NAALADL2: variants seen among roughly 807,000 people sequenced by gnomAD.
NAALADL2 encodes N-acetylated alpha-linked acidic dipeptidase like 2, also known as inactive N-acetylated-alpha-linked acidic dipeptidase-like protein 2.
Under a neutral mutation model 87.2 loss-of-function variants are expected in NAALADL2, and 76 were observed. The ratio of observed to expected loss-of-function variants is 0.87; its 90% CI spans 0.72 to 1.05. The LOEUF (loss-of-function observed/expected upper bound fraction) is 1.05. Among genes scored for constraint, NAALADL2 ranks in the 50% least tolerant of loss-of-function variants. The probability of loss-of-function intolerance (pLI) is 0.00; values close to 1 mark genes in which losing one functional copy is unlikely to be tolerated. For synonymous variants in NAALADL2, 354 were observed against 331.0 expected (o/e 1.07, Z -0.75); for missense variants, 1,089 against 945.8 (o/e 1.15, Z -1.99).
intron 2 of NAALADL2, among the ~76,000 whole-genome samples, chr3:175,224,053 AAGAC>A (rs1403155742): frequency 5.3e-5 from 8 of 152,190 alleles, no homozygotes; most frequent in South Asian, 4.1e-4. Flanking sequence ...AGGTTAAAGA[AAGAC>A]AGAGAGAGAG....
At chr3:175,791,227 C>G (rs1014093428) in intron 13 of NAALADL2, among the ~76,000 whole-genome samples, 1 of 152,198 alleles carries the variant, frequency 6.6e-6, no homozygotes, top group Non-Finnish European at 1.5e-5. Context: ...TGGAAATACA[C>G]TTTTCTATTA....
intron 5 of NAALADL2, among the ~76,000 whole-genome samples, chr3:175,356,973 G>A (rs1764450102): frequency 6.6e-6 from 1 of 152,102 alleles, no homozygotes; most frequent in Admixed American, 6.6e-5. Flanking sequence ...CAATAGCTCA[G>A]TTCCTTCTTG....
intron 2 of NAALADL2, among the ~76,000 whole-genome samples, chr3:175,128,072 T>C (rs1238677484): frequency 1.3e-5 from 2 of 152,188 alleles, no homozygotes; most frequent in Non-Finnish European, 2.9e-5. Context: ...AGTGTACACA[T>C]CTATGAATGT....
At chr3:175,130,116 A>G (rs1192476757) in intron 2 of NAALADL2, among the ~76,000 whole-genome samples, 1 of 152,150 alleles carries the variant, frequency 6.6e-6, no homozygotes, top group Non-Finnish European at 1.5e-5. Context: ...TTTTGGAGAA[A>G]TGTCTATTAA....
chr3:175,320,294 G>A (rs1248350130), intron 4 of NAALADL2, among the ~76,000 whole-genome samples: 2 of 152,196 alleles, frequency 1.3e-5, no homozygotes, highest in Non-Finnish European at 2.9e-5. Flanking sequence ...AAGTTCTTCT[G>A]TTCCATCATA....
intron 9 of NAALADL2, among the ~76,000 whole-genome samples, chr3:175,549,760 T>A (rs1714026649): frequency 6.6e-6 from 1 of 151,988 alleles, no homozygotes; most frequent in African/African-American, 2.4e-5. Flanking sequence ...CTTAAGTCTT[T>A]AAGACTTACA....
intron 2 of NAALADL2, among the ~76,000 whole-genome samples, chr3:175,109,684 T>G: frequency 6.6e-6 from 1 of 151,864 alleles, no homozygotes; most frequent in East Asian, 1.9e-4. Context: ...GATCAGCCCC[T>G]CTTTGCCTCT....
intron 11 of NAALADL2, among the ~76,000 whole-genome samples, chr3:175,641,125 G>A (rs1729231753): frequency 6.6e-6 from 1 of 151,962 alleles, no homozygotes; most frequent in African/African-American, 2.4e-5. Flanking sequence ...CTTACCTCAT[G>A]ACTAGCTTTC....
At chr3:174,494,717 G>A (rs10936799) in intron 1 of NAALADL2, among the ~76,000 whole-genome samples, 97,015 of 151,682 alleles carry the variant, frequency 0.64, 31,368 homozygotes, top group East Asian at 0.89. Flanking sequence ...GAAGGTATGA[G>A]TTGGTATTTA....
intron 9 of NAALADL2, among the ~76,000 whole-genome samples, chr3:175,564,275 A>C (rs2149522859): frequency 6.6e-6 from 1 of 152,276 alleles, no homozygotes. Flanking sequence ...CTAGTGAATG[A>C]TGCTAATACG....
intron 9 of NAALADL2, among the ~76,000 whole-genome samples, chr3:175,533,872 C>T (rs914303407): frequency 2.6e-5 from 4 of 152,068 alleles, no homozygotes; most frequent in Non-Finnish European, 5.9e-5. Context: ...CTGAGTTCAT[C>T]ATTTTCTTTC....
At chr3:174,669,760 C>G (rs1174750588) in intron 2 of NAALADL2, among the ~76,000 whole-genome samples, 1 of 151,566 alleles carries the variant, frequency 6.6e-6, no homozygotes, top group Non-Finnish European at 1.5e-5. Flanking sequence ...GATTTTTTTT[C>G]TATTTTTGCA....
At chr3:175,330,168 A>T (rs1195080430) in intron 5 of NAALADL2, among the ~76,000 whole-genome samples, 1 of 152,222 alleles carries the variant, frequency 6.6e-6, no homozygotes, top group Non-Finnish European at 1.5e-5. Context: ...ACTGCTAAAA[A>T]AAAAGATTTA....
chr3:175,616,911 A>G lies in NAALADL2; in HGVS notation c.1801-10380A>G, dbSNP rs1333662285. 2.0e-5 allele frequency among the ~76,000 whole-genome samples: 3 copies of G among 151,960 alleles called. No homozygotes were observed. The East Asian group carries it at 5.8e-4, about 29-fold the overall frequency. On this transcript the variant is annotated intron_variant, in intron 10 of 13. Coordinates refer to ENST00000454872, the MANE Select transcript of NAALADL2 (RefSeq NM_207015.3). The stretch of plus-strand genomic sequence containing the variant: ...GGTGGGACCCCTAAGGTAGATCTGG[A>G]TCAGTATGGCGGTTGCGGTTCAGCG...
At chr3:175,466,431 C>G (rs576920830) in intron 7 of NAALADL2, among the ~76,000 whole-genome samples, 1 of 151,960 alleles carries the variant, frequency 6.6e-6, no homozygotes, top group East Asian at 1.9e-4. Context: ...GCAACTTTTA[C>G]AACAGTTGAA....
intron 2 of NAALADL2, among the ~76,000 whole-genome samples, chr3:175,174,001 A>T (rs1173998478): frequency 1.3e-5 from 2 of 152,096 alleles, no homozygotes; most frequent in Non-Finnish European, 2.9e-5. Context: ...AGTTGTATGT[A>T]ATTGTAATTT....
chr3:175,221,350 T>C (rs1172535789), intron 2 of NAALADL2, among the ~76,000 whole-genome samples: 1 of 152,206 alleles, frequency 6.6e-6, no homozygotes, highest in Non-Finnish European at 1.5e-5. Flanking sequence ...ATGGCATATA[T>C]ACTGTGTGGT....
chr3:174,516,864 A>G (rs906550196), intron 1 of NAALADL2, among the ~76,000 whole-genome samples: 1 of 151,998 alleles, frequency 6.6e-6, no homozygotes, highest in Admixed American at 6.6e-5. Context: ...ATGTTGTTAT[A>G]TATACAAAGA....
chr3:175,524,810 G>T (rs1252906175), intron 9 of NAALADL2, among the ~76,000 whole-genome samples: 2 of 152,084 alleles, frequency 1.3e-5, no homozygotes, highest in Non-Finnish European at 2.9e-5. Context: ...GAGACATCTT[G>T]TTAGCAAACA....
Sources: gnomAD v4.1 joint callset for allele counts (sites outside exome capture counted in the v4.1 genomes callset) on GRCh38, gnomAD v4.1.1 for gene constraint, MANE v1.5 for transcripts, NCBI Gene and HGNC (gene_info 2026-07-23, HGNC 2026-07-21) for gene names.